The following U2AF1L4 variants were observed in gnomAD, a reference collection of about 807,000 sequenced individuals.
U2AF1L4 encodes U2 small nuclear RNA auxiliary factor 1 like 4.
A neutral mutation model predicts 21.7 loss-of-function variants in U2AF1L4; 21 were observed. The observed-to-expected ratio is 0.97, with a 90% CI of 0.69 to 1.39. The LOEUF is 1.39. Ranked by LOEUF, U2AF1L4 falls within the 40% of genes most tolerant of loss-of-function variation. The pLI, the probability that U2AF1L4 is intolerant of heterozygous loss-of-function variation, is 0.00. For missense variants in U2AF1L4, 259 were observed against 245.7 expected (o/e 1.05, Z -0.36); for synonymous variants, 92 against 89.7 (o/e 1.03, Z -0.15).
intron 2 of U2AF1L4, 189 bp from the exon 3 acceptor site, chr19:35,744,610 C>T: frequency 6.5e-7 from 1 of 1,537,592 alleles, no homozygotes; most frequent in Non-Finnish European, 8.7e-7. Context: ...GCCCCCAGGC[C>T]TGGTCCCTTA....
intron 5 of U2AF1L4, 40 bp from the exon 6 acceptor site, chr19:35,742,843 G>A: frequency 6.3e-7 from 1 of 1,576,328 alleles, no homozygotes; most frequent in Non-Finnish European, 8.6e-7. Context: ...AGAACCCTGA[G>A]GAGTGGTGCA....
chr19:35,742,872 C>T, intron 5 of U2AF1L4, 69 bp from the exon 6 acceptor site: 12 of 1,421,210 alleles, frequency 8.4e-6, no homozygotes, highest in Non-Finnish European at 1.2e-5. Context: ...GCAGGCCTGC[C>T]TCTCTGCTCT....
rs140321678 is a variant in U2AF1L4 at position 35,743,209 on chromosome 19, C to T, written c.462-406G>A. 544 of 293,514 alleles carry T rather than the reference C, an allele frequency of 1.9e-3. 10 individuals are homozygous for T. Among genetic ancestry groups the T allele is most frequent in the African/African-American group, 0.012 (515 of 42,882 alleles). The allele number at this position is 293,514 out of a possible 1,614,324, so 18.2% of individuals were successfully genotyped here. A position where few individuals can be genotyped will look rare whatever the true frequency, so the allele number is the denominator to read the frequency against. On this transcript the variant is annotated intron_variant, in intron 5 of 5. Coordinates refer to ENST00000378975, the MANE Select transcript of U2AF1L4 (RefSeq NM_001040425.3). ...CCAACGTGGTGAAACCCCATCTCTA[C>T]TAAAAATACAAAAATTAGCCAGGCA...
chr19:35,744,795 T>G lies in U2AF1L4; in HGVS notation c.132+330A>C, dbSNP rs1165467207. The G allele has an allele frequency of 3.7e-6, 5 of 1,360,178 alleles. No individual in the cohort carries two copies. In the African/African-American group the frequency reaches 4.3e-5, roughly 12 times the overall value. The allele number at this position is 1,360,178 out of a possible 1,614,324, so 84.3% of individuals were successfully genotyped here. On this transcript the variant is annotated intron_variant, in intron 2 of 5. Transcript: ENST00000378975. ...GGGGGTGGAACCTTACACCCCAGCCTAAGCATCATGAGTGCATCGGCGATC... is the reference window on the plus strand; with the variant it reads ...GGGGGTGGAACCTTACACCCCAGCCGAAGCATCATGAGTGCATCGGCGATC...
chr19:35,744,449 G>A (rs1970465529), intron 2 of U2AF1L4, 28 bp from the exon 3 acceptor site: 2 of 1,613,940 alleles, frequency 1.2e-6, no homozygotes, highest in East Asian at 2.2e-5. Context: ...GAACTCAGCT[G>A]AGCTCCCACA....
chr19:35,745,120 C>A lies in U2AF1L4; in HGVS notation c.132+5G>T, dbSNP rs751686445. The A allele has an allele frequency of 6.2e-7, 1 of 1,612,768 alleles. No individual in the cohort carries two copies. The highest frequency in any genetic ancestry group is 1.3e-5 in the African/African-American group (1 of 75,040). On this transcript the variant is annotated splice_donor_5th_base_variant and intron_variant, in intron 2 of 5. Coordinates refer to ENST00000378975, the MANE Select transcript of U2AF1L4 (RefSeq NM_001040425.3). ...TAACCCCCGAGGCTCCGTGCCGGGT[C>A]TCACCTGGCTGAATGTCGGCTTGTT...
Position 35,742,574 on chromosome 19 carries a change from A to G in U2AF1L4, c.*145T>C. The G allele has an allele frequency of 6.2e-7, 1 of 1,613,832 alleles. No homozygotes were observed. Among genetic ancestry groups the G allele is most frequent in the African/African-American group, 1.3e-5 (1 of 75,060 alleles). On this transcript the variant is annotated 3_prime_UTR_variant, in exon 6 of 6. Transcript: ENST00000378975. ...AGCTTTATTAAGACAGGGGCGGTAG[A>G]AGAAGGTCTCCATGCTGAACAGATT...
chr19:35,743,735 C>T, intron 5 of U2AF1L4, 74 bp downstream of exon 5: 1 of 923,008 alleles, frequency 1.1e-6, no homozygotes, highest in Non-Finnish European at 1.7e-6. Flanking sequence ...GTTACTGGGG[C>T]TTAGGGTTAG....
At chr19:35,744,922 G>C in intron 2 of U2AF1L4, 1 of 704,606 alleles carries the variant, frequency 1.4e-6, no homozygotes, top group Non-Finnish European at 2.3e-6. Context: ...TGTGTAGCCT[G>C]TACGCATGGG....
intron 2 of U2AF1L4, chr19:35,744,659 G>A (rs1191780300): frequency 6.5e-7 from 1 of 1,536,268 alleles, no homozygotes; most frequent in Non-Finnish European, 8.7e-7. Context: ...GCTGTGTTCT[G>A]TGGATTCCGG....
Position 35,743,915 on chromosome 19 carries a change from G to A in U2AF1L4, c.366-11C>T, listed in dbSNP as rs542162251. On this transcript the variant is annotated splice_polypyrimidine_tract_variant and intron_variant, in intron 4 of 5. Coordinates refer to ENST00000378975, the MANE Select transcript of U2AF1L4 (RefSeq NM_001040425.3). ...CCTCGGGTACATTCCCTGCATAGAG[G>A]GTAGAGAGATGGAGGAAGCCATTGT... The A allele has an allele frequency of 1.2e-5, 20 of 1,611,744 alleles. No individual in the cohort carries two copies. Among genetic ancestry groups the A allele is most frequent in the African/African-American group, 9.3e-5 (7 of 74,926 alleles).
intron 5 of U2AF1L4, chr19:35,743,433 G>A: frequency 3.8e-6 from 1 of 262,806 alleles, no homozygotes; most frequent in South Asian, 3.4e-5. Flanking sequence ...GCTCACGCCT[G>A]TAATCCCAGC....
intron 4 of U2AF1L4, 25 bp downstream of exon 4, chr19:35,743,987 C>T (rs762709432): frequency 3.1e-6 from 5 of 1,610,682 alleles, no homozygotes; most frequent in Admixed American, 1.7e-5. Flanking sequence ...TTCCAAGTGC[C>T]CATCCCACCC....
rs1599730498 is a variant in U2AF1L4, at chr19:35,744,897, G to A, written c.132+228C>T. ...CAGCGGGATGGAAGGGACTGGCAAA[G>A]ATGAACAGCCGCCGTGTGTAGCCTG... On this transcript the variant is annotated intron_variant, in intron 2 of 5. Transcript: ENST00000378975. 1.5e-5 allele frequency: 11 copies of A among 729,874 alleles called. No homozygotes were observed. In the East Asian group the frequency reaches 1.6e-4, roughly 11 times the overall value. The allele number at this position is 729,874 out of a possible 1,614,324, so 45.2% of individuals were successfully genotyped here. A position where few individuals can be genotyped will look rare whatever the true frequency, so the allele number is the denominator to read the frequency against.
rs199636076 is a variant in U2AF1L4, at chr19:35,745,090, G to T, written c.132+35C>A. On this transcript the variant is annotated intron_variant, in intron 2 of 5. Coordinates refer to ENST00000378975, the MANE Select transcript of U2AF1L4 (RefSeq NM_001040425.3). ...GCCCCAGAAGGGGAAGGGCCAGGGAGCCGTTAACCCCCGAGGCTCCGTGCC... is the reference window on the plus strand; with the variant it reads ...GCCCCAGAAGGGGAAGGGCCAGGGATCCGTTAACCCCCGAGGCTCCGTGCC... 10 of 1,599,856 alleles carry T rather than the reference G, an allele frequency of 6.3e-6. 1 individual carries two copies. The East Asian group carries it at 2.2e-4, about 36-fold the overall frequency.
Position 35,745,107 on chromosome 19 carries a change from C to T in U2AF1L4, c.132+18G>A. ...GCCAGGGAGCCGTTAACCCCCGAGG[C>T]TCCGTGCCGGGTCTCACCTGGCTGA... On this transcript the variant is annotated intron_variant, in intron 2 of 5. Transcript: ENST00000378975. 6.2e-7 allele frequency: 1 copy of T among 1,611,436 alleles called. No homozygotes were observed. Among genetic ancestry groups the T allele is most frequent in the South Asian group, 1.1e-5 (1 of 91,040 alleles).
rs775299740 is a variant in U2AF1L4 at position 35,745,333 on chromosome 19, A to T, written c.44+15T>A. 1 of 1,518,620 alleles carries T rather than the reference A, an allele frequency of 6.6e-7. No homozygotes were observed. The highest frequency in any genetic ancestry group is 9.1e-7 in the Non-Finnish European group (1 of 1,103,550). The allele number at this position is 1,518,620 out of a possible 1,614,324, so 94.1% of individuals were successfully genotyped here. The stretch of plus-strand genomic sequence containing the variant: ...CCCGACCCCCCGAGAGTCCACTCCC[A>T]GCGCCCGTTCTCACTTGTCCTTCTC... On this transcript the variant is annotated intron_variant, in intron 1 of 5. Transcript: ENST00000378975.
intron 5 of U2AF1L4, 58 bp downstream of exon 5, chr19:35,743,751 T>A: frequency 3.1e-6 from 4 of 1,287,946 alleles, no homozygotes; most frequent in African/African-American, 1.5e-5. Flanking sequence ...GTTAGGCTCA[T>A]CTGAGGATAT....
rs1352943473 is a variant in U2AF1L4, at chr19:35,745,114, C to T, written c.132+11G>A. The T allele has an allele frequency of 1.9e-6, 3 of 1,612,152 alleles. No individual in the cohort carries two copies. The highest frequency in any genetic ancestry group is 2.5e-6 in the Non-Finnish European group (3 of 1,179,624). ...AGCCGTTAACCCCCGAGGCTCCGTG[C>T]CGGGTCTCACCTGGCTGAATGTCGG... On this transcript the variant is annotated intron_variant, in intron 2 of 5. Coordinates refer to ENST00000378975, the MANE Select transcript of U2AF1L4 (RefSeq NM_001040425.3).
Sources: gnomAD v4.1 joint callset for allele counts on GRCh38, gnomAD v4.1.1 for gene constraint, MANE v1.5 for transcripts, NCBI Gene and HGNC (gene_info 2026-07-23, HGNC 2026-07-21) for gene names.